The following ESR1 variants were observed in gnomAD, a reference collection of about 807,000 sequenced individuals.
ESR1 encodes estrogen receptor.
ESR1 carries 12 observed loss-of-function variants against 52.7 expected under a neutral mutation model. The observed-to-expected ratio is 0.23, with a 90% CI of 0.15 to 0.37. ESR1 has a LOEUF of 0.37. Among genes scored for constraint, ESR1 ranks in the 10% least tolerant of loss-of-function variants. The pLI, the probability that ESR1 is intolerant of heterozygous loss-of-function variation, is 1.00. For synonymous variants in ESR1, 305 were observed against 316.8 expected (o/e 0.96, Z 0.39); for missense variants, 584 against 779.7 (o/e 0.75, Z 2.99).
chr6:151,674,154 T>A (rs1162309711), intron 1 of ESR1, among the ~76,000 whole-genome samples: 2 of 152,062 alleles, frequency 1.3e-5, no homozygotes, highest in African/African-American at 4.8e-5. Context: ...ATGCATTAGG[T>A]ATTTGTCCTA....
intron 4 of ESR1, among the ~76,000 whole-genome samples, chr6:151,989,037 G>A (rs1014647575): frequency 7.9e-5 from 12 of 152,024 alleles, no homozygotes; most frequent in African/African-American, 1.9e-4. Flanking sequence ...TGGATCTTCC[G>A]CTCCACAAAA....
chr6:151,721,713 T>C lies in ESR1; in HGVS notation c.-71+19708T>C, dbSNP rs370292119. On this transcript the variant is annotated intron_variant, in intron 2 of 2. Coordinates refer to the ESR1 transcript ENST00000404742. ...TGGGAGAATAAGATACTGTATGAGATGCTAGAAAGATCCCCACCTCTCCTT... is the reference window on the plus strand; with the variant it reads ...TGGGAGAATAAGATACTGTATGAGACGCTAGAAAGATCCCCACCTCTCCTT... 5.3e-5 allele frequency among the ~76,000 whole-genome samples: 8 copies of C among 152,208 alleles called. No homozygotes were observed. The East Asian group carries it at 5.8e-4, about 11-fold the overall frequency.
upstream of ESR1, chr6:151,804,499 T>C (rs1777582572): frequency 1.3e-5 from 2 of 152,108 alleles, no homozygotes; most frequent in Non-Finnish European, 2.9e-5. Flanking sequence ...TAACAGTCTT[T>C]CTTTTCAATA....
At chr6:152,113,517 G>A (rs1199144449) in intron 6 of ESR1, among the ~76,000 whole-genome samples, 1 of 152,140 alleles carries the variant, frequency 6.6e-6, no homozygotes, top group Non-Finnish European at 1.5e-5. Flanking sequence ...ACATTGTGCT[G>A]AGAAGTAACG....
At chr6:151,972,823 C>T (rs1476138563) in intron 4 of ESR1, among the ~76,000 whole-genome samples, 1 of 152,164 alleles carries the variant, frequency 6.6e-6, no homozygotes, top group Non-Finnish European at 1.5e-5. Context: ...AGTCCCAAAA[C>T]CTCAAAAGCA....
upstream of ESR1, among the ~76,000 whole-genome samples, chr6:151,801,048 T>C (rs1260671026): frequency 1.1e-5 from 1 of 95,024 alleles, no homozygotes; most frequent in African/African-American, 4.3e-5. Context: ...TGGTTGATTA[T>C]GTGGTGTGTG....
At chr6:152,114,890 C>CAAA (rs60553265) in intron 6 of ESR1, among the ~76,000 whole-genome samples, 6 of 41,184 alleles carry the variant, frequency 1.5e-4, no homozygotes, top group African/African-American at 1.8e-4. Flanking sequence ...GACTCCGTCT[C>CAAA]AAAAAAAAAA....
At chr6:151,828,719 G>C (rs1029126236) in intron 1 of ESR1, among the ~76,000 whole-genome samples, 3 of 152,166 alleles carry the variant, frequency 2.0e-5, no homozygotes, top group Admixed American at 6.5e-5. Context: ...TTGCTGCCTT[G>C]GTAGGGCATA....
At chr6:151,994,326 T>G (rs998417038) in intron 4 of ESR1, among the ~76,000 whole-genome samples, 15 of 152,152 alleles carry the variant, frequency 9.9e-5, no homozygotes, top group African/African-American at 3.4e-4. Context: ...CCACATGATA[T>G]GGAAAACATT....
intron 1 of ESR1, among the ~76,000 whole-genome samples, chr6:151,837,779 C>T (rs891331568): frequency 2.6e-5 from 4 of 152,060 alleles, no homozygotes; most frequent in South Asian, 2.1e-4. Context: ...AGATGAGAAA[C>T]GGTACAGGTT....
chr6:151,700,926 C>T (rs947065814), intron 1 of ESR1, among the ~76,000 whole-genome samples: 3 of 151,922 alleles, frequency 2.0e-5, no homozygotes, highest in African/African-American at 7.3e-5. Flanking sequence ...AAAAAGTGCC[C>T]CATGGGATAT....
chr6:152,030,178 T>C (rs934780499), intron 5 of ESR1, among the ~76,000 whole-genome samples: 1 of 152,178 alleles, frequency 6.6e-6, no homozygotes, highest in African/African-American at 2.4e-5. Flanking sequence ...TACCAGCCAC[T>C]GCAAAAACAT....
At chr6:151,840,209 G>C (rs1784074455) in intron 1 of ESR1, among the ~76,000 whole-genome samples, 1 of 152,018 alleles carries the variant, frequency 6.6e-6, no homozygotes, top group Non-Finnish European at 1.5e-5. Context: ...ACCTCCAAAG[G>C]CACTAAGCTT....
intron 2 of ESR1, among the ~76,000 whole-genome samples, chr6:151,733,679 A>G (rs1209970974): frequency 6.6e-6 from 1 of 152,194 alleles, no homozygotes; most frequent in East Asian, 1.9e-4. Flanking sequence ...TGGTTCCAGA[A>G]TCCTTCCTCC....
intron 4 of ESR1, among the ~76,000 whole-genome samples, chr6:151,966,301 C>T (rs148607255): frequency 6.6e-5 from 10 of 152,176 alleles, no homozygotes; most frequent in South Asian, 2.1e-4. Flanking sequence ...CATTTTCTTC[C>T]GAGAAAATAT....
intron 5 of ESR1, among the ~76,000 whole-genome samples, chr6:152,057,244 C>A (rs777923032): frequency 1.3e-5 from 2 of 152,094 alleles, no homozygotes; most frequent in Non-Finnish European, 2.9e-5. Context: ...ACGTGGCAAG[C>A]CTTTTCACCT....
chr6:151,798,795 T>C (rs182681195), intron 2 of ESR1, among the ~76,000 whole-genome samples: 271 of 152,306 alleles, frequency 1.8e-3, no homozygotes, highest in African/African-American at 6.1e-3. Flanking sequence ...ATAGGAAAGG[T>C]CTAATTTTTT....
In ESR1 at chr6:152,100,022, G is replaced by C. The variant is rs1330748858; in HGVS notation, c.*1056G>C. On this transcript the variant is annotated 3_prime_UTR_variant, in exon 8 of 8. Transcript: ENST00000206249. Reference sequence around the variant, plus strand: ...GTGCAGGATTGTTGTGGCTACTAGAGAACAAGAGGGAAAGTAGGGCAGAAA... The same window carrying C: ...GTGCAGGATTGTTGTGGCTACTAGACAACAAGAGGGAAAGTAGGGCAGAAA... 2.5e-6 allele frequency: 1 copy of C among 398,690 alleles called. No homozygotes were observed. The highest frequency in any genetic ancestry group is 2.1e-5 in the African/African-American group (1 of 48,634). 24.7% of individuals were successfully genotyped at this position (398,690 alleles called of 1,614,324 possible). A position where few individuals can be genotyped will look rare whatever the true frequency, so the allele number is the denominator to read the frequency against.
At chr6:152,008,729 A>G (rs2042530804) in intron 4 of ESR1, among the ~76,000 whole-genome samples, 1 of 152,054 alleles carries the variant, frequency 6.6e-6, no homozygotes, top group Non-Finnish European at 1.5e-5. Flanking sequence ...GGTAGGTTTC[A>G]TCATGGGTGG....
Sources: allele counts gnomAD v4.1 joint callset (sites outside exome capture counted in the v4.1 genomes callset), GRCh38; gene constraint gnomAD v4.1.1; transcripts MANE v1.5; gene names NCBI Gene and HGNC (gene_info 2026-07-23, HGNC 2026-07-21).